DNTT: variants seen among roughly 807,000 people sequenced by gnomAD.
DNTT encodes nucleosidetriphosphate:DNA deoxynucleotidylexotransferase.
Under a neutral mutation model 60.9 loss-of-function variants are expected in DNTT, and 47 were observed. The ratio of observed to expected loss-of-function variants is 0.77; its 90% CI spans 0.61 to 0.98. The LOEUF is 0.98. Ranked by LOEUF, DNTT falls within the 50% of genes least tolerant of loss-of-function variation. The pLI, the probability that DNTT is intolerant of heterozygous loss-of-function variation, is 0.00. For missense variants in DNTT, 665 were observed against 627.5 expected (o/e 1.06, Z -0.64); for synonymous variants, 224 against 221.2 (o/e 1.01, Z -0.11).
chr10:96,332,746 TC>T, intron 9 of DNTT, 150 bp downstream of exon 9: 1 of 1,179,830 alleles, frequency 8.5e-7, no homozygotes, highest in Non-Finnish European at 1.2e-6. Context: ...AGGCATCCTG[TC>T]CACACATGGC....
intron 1 of DNTT, among the ~76,000 whole-genome samples, chr10:96,307,699 G>GTATA (rs1483322695): frequency 0.019 from 1,306 of 68,674 alleles, 10 homozygotes; most frequent in Non-Finnish European, 0.029. Flanking sequence ...ATGTGTGTGT[G>GTATA]TGTGTGTATA....
rs372099236 is a variant in DNTT, at chr10:96,327,577, C to T, written c.984C>T (p.Val328=). Residue 328 remains valine (V), a synonymous_variant, in exon 7 of 11, where the codon GTC becomes GTT. Coordinates refer to ENST00000371174, the MANE Select transcript of DNTT (RefSeq NM_004088.4). ...AVWAFLPDAF[V]TMTGGFRRGK... is the part of the protein sequence containing the mutation. ...GGGCATTTCTTCCGGATGCTTTCGT[C>T]ACCATGACAGGAGGGTTCCGGAGGT... The T allele has an allele frequency of 5.0e-6, 8 of 1,613,760 alleles. No homozygotes were observed. The African/African-American group carries it at 6.7e-5, about 13-fold the overall frequency.
Position 96,338,313 on chromosome 10 carries a change from G to A in DNTT, c.*89G>A, listed in dbSNP as rs1318469765. The A allele has an allele frequency of 6.7e-6, 8 of 1,198,838 alleles. No homozygotes were observed. The highest frequency in any genetic ancestry group is 9.4e-6 in the Non-Finnish European group (8 of 850,240). 74.3% of individuals were successfully genotyped at this position (1,198,838 alleles called of 1,614,324 possible). A position where few individuals can be genotyped will look rare whatever the true frequency, so the allele number is the denominator to read the frequency against. Reference sequence around the variant, plus strand: ...TAAAAGATGCCATAGGAGAGTTTGGGGTTATTTAGGTCTTATTGAAATGCA... The same window carrying A: ...TAAAAGATGCCATAGGAGAGTTTGGAGTTATTTAGGTCTTATTGAAATGCA... On this transcript the variant is annotated 3_prime_UTR_variant, in exon 11 of 11. Transcript: ENST00000371174.
chr10:96,313,479 C>T (rs1204415143), intron 1 of DNTT, among the ~76,000 whole-genome samples: 1 of 152,156 alleles, frequency 6.6e-6, no homozygotes, highest in Non-Finnish European at 1.5e-5. Context: ...AAGCTCCCCT[C>T]AGGCATCTAA....
At chr10:96,333,283 G>A (rs532102281) in intron 9 of DNTT, among the ~76,000 whole-genome samples, 89 of 152,320 alleles carry the variant, frequency 5.8e-4, no homozygotes, top group African/African-American at 2.1e-3. Flanking sequence ...TCTCACATCC[G>A]TCAGATTGGC....
intron 5 of DNTT, among the ~76,000 whole-genome samples, chr10:96,323,078 G>A (rs1025325808): frequency 1.5e-4 from 23 of 152,172 alleles, no homozygotes; most frequent in African/African-American, 5.3e-4. Context: ...AGGCCAAGGC[G>A]GGTGCACTTG....
intron 1 of DNTT, among the ~76,000 whole-genome samples, chr10:96,313,283 C>A (rs565429885): frequency 6.6e-6 from 1 of 152,168 alleles, no homozygotes; most frequent in Non-Finnish European, 1.5e-5. Flanking sequence ...TTTCTGTCAC[C>A]TTTTATTATA....
At chr10:96,337,131 G>A (rs1320583728) in intron 10 of DNTT, among the ~76,000 whole-genome samples, 1 of 152,150 alleles carries the variant, frequency 6.6e-6, no homozygotes, top group African/African-American at 2.4e-5. Context: ...TGGGTGCTCA[G>A]GCAGGCTTCC....
At chr10:96,320,922 CCTCT>C in intron 4 of DNTT, 134 bp downstream of exon 4, 2 of 984,260 alleles carry the variant, frequency 2.0e-6, no homozygotes, top group Admixed American at 3.0e-5. Flanking sequence ...TATACATATT[CCTCT>C]CTCTCTCCTC....
chr10:96,336,077 T>A, intron 10 of DNTT, 103 bp downstream of exon 10: 2 of 1,104,966 alleles, frequency 1.8e-6, no homozygotes, highest in Non-Finnish European at 1.4e-6. Flanking sequence ...ATGGTTTCCT[T>A]TGTCATGCGT....
chr10:96,305,255 T>C, intron 1 of DNTT, among the ~76,000 whole-genome samples: 1 of 152,112 alleles, frequency 6.6e-6, no homozygotes, highest in Non-Finnish European at 1.5e-5. Context: ...AGAGAGATGC[T>C]AGGTAAAGAT....
intron 5 of DNTT, 30 bp downstream of exon 5, chr10:96,322,758 AT>A (rs2133990004): frequency 6.5e-7 from 1 of 1,549,596 alleles, no homozygotes; most frequent in Non-Finnish European, 8.8e-7. Context: ...TTTATTGAAA[AT>A]TGTTTTTCAG....
At chr10:96,322,990 G>T (rs11188713) in intron 5 of DNTT, among the ~76,000 whole-genome samples, 1 of 152,194 alleles carries the variant, frequency 6.6e-6, no homozygotes, top group South Asian at 2.1e-4. Context: ...GAGAGAACAA[G>T]CAATCTTTCT....
intron 1 of DNTT, 148 bp from the exon 2 acceptor site, chr10:96,318,204 G>A (rs1305717435): frequency 3.7e-6 from 3 of 818,824 alleles, no homozygotes; most frequent in African/African-American, 3.5e-5. Context: ...GAATTCCCTT[G>A]CATGGAGGCC....
rs869059822 is a variant in DNTT, at chr10:96,314,402, C to CTTTTTTTTTTTTTTTTTTT, written c.204-3940_204-3922dup. On this transcript the variant is annotated intron_variant, in intron 1 of 10. Transcript: ENST00000371174. Reference sequence around the variant, plus strand: ...TAACATTTCCAAGGCTATCTCTTCCCTTTTTTTTTTTTTTTTTTTTTTTTT... The same window carrying CTTTTTTTTTTTTTTTTTTT: ...TAACATTTCCAAGGCTATCTCTTCCCTTTTTTTTTTTTTTTTTTTTTTTTTTTTTTTTTTTTTTTTTTTT... Among the ~76,000 whole-genome samples, 207 of 53,208 alleles carry CTTTTTTTTTTTTTTTTTTT rather than the reference C, an allele frequency of 3.9e-3. 50 individuals carry two copies. Among genetic ancestry groups the CTTTTTTTTTTTTTTTTTTT allele is most frequent in the Non-Finnish European group, 5.9e-3 (149 of 25,332 alleles). 34.9% of individuals were successfully genotyped at this position (53,208 alleles called of 152,430 possible).
At position 96,328,752 on chromosome 10, in the gene DNTT, T is replaced by C; in HGVS notation, c.1035T>C (p.Asp345=). Residue 345 remains aspartate, a synonymous_variant, in exon 8 of 11, where the codon GAT becomes GAC. Coordinates refer to ENST00000371174, the MANE Select transcript of DNTT (RefSeq NM_004088.4). Reference sequence around the variant, plus strand: ...GTAAGAAGATGGGGCATGATGTAGATTTTTTAATTACCAGCCCAGGATCAA... The same window carrying C: ...GTAAGAAGATGGGGCATGATGTAGACTTTTTAATTACCAGCCCAGGATCAA... ...RRGKKMGHDV[D]FLITSPGSTE... 2 of 1,613,870 alleles carry C rather than the reference T, an allele frequency of 1.2e-6. No homozygotes were observed. The highest frequency in any genetic ancestry group is 1.7e-6 in the Non-Finnish European group (2 of 1,179,896).
intron 1 of DNTT, among the ~76,000 whole-genome samples, chr10:96,317,578 T>C (rs576631121): frequency 6.6e-6 from 1 of 152,164 alleles, no homozygotes; most frequent in Non-Finnish European, 1.5e-5. Flanking sequence ...AGCGATGATA[T>C]TAGAAGGTGG....
chr10:96,321,939 TAATCACAGTGAA>T (rs1423264838), intron 4 of DNTT, among the ~76,000 whole-genome samples: 4 of 152,188 alleles, frequency 2.6e-5, no homozygotes, highest in Non-Finnish European at 5.9e-5. Context: ...ATACTGTTAT[TAATCACAGTGAA>T]AGACTCAAGT....
At chr10:96,332,070 G>C (rs1330072021) in intron 8 of DNTT, among the ~76,000 whole-genome samples, 2 of 152,248 alleles carry the variant, frequency 1.3e-5, no homozygotes, top group African/African-American at 4.8e-5. Flanking sequence ...CAGAGCACTA[G>C]CTGAGGTTCA....
Sources: allele counts gnomAD v4.1 joint callset (sites outside exome capture counted in the v4.1 genomes callset), GRCh38; gene constraint gnomAD v4.1.1; transcripts MANE v1.5; gene names NCBI Gene and HGNC (gene_info 2026-07-23, HGNC 2026-07-21).